The following PLG variants were observed in gnomAD, a reference collection of about 807,000 sequenced individuals.
The protein encoded by PLG is plasminogen, also known as plasmin.
In PLG, 41 loss-of-function variants were observed where a neutral mutation model predicts 104.4. The ratio of observed to expected loss-of-function variants is 0.39; its 90% CI spans 0.31 to 0.51. PLG has a LOEUF of 0.51. PLG is among the 20% of genes least tolerant of loss of function. The pLI, the probability that PLG is intolerant of heterozygous loss-of-function variation, is 0.76. For synonymous variants in PLG, 337 were observed against 357.1 expected (o/e 0.94, Z 0.63); for missense variants, 891 against 1,003.6 (o/e 0.89, Z 1.52).
At chr6:160,720,346 G>T (rs1420053444) in intron 9 of PLG, among the ~76,000 whole-genome samples, 2 of 147,670 alleles carry the variant, frequency 1.4e-5, no homozygotes, top group African/African-American at 5.0e-5. Context: ...TCTGCTTGAG[G>T]TATTCTGAGT....
chr6:160,714,827 A>G lies in PLG; in HGVS notation c.581A>G (p.Asp194Gly), dbSNP rs150072546. The change falls in exon 6 of 19, where the codon GAC (aspartate) becomes GGC (glycine). Residue 194 changes from aspartate (D) to glycine (G), a missense_variant. Around this residue, in one of 2 missense-constraint regions of PLG, gnomAD observed 854 missense variants for 932.1 expected, o/e 0.92. Coordinates refer to ENST00000308192, the MANE Select transcript of PLG (RefSeq NM_000301.5). ...ECMHCSGENYDGKISKTMSGL... is the reference protein window; with the variant it reads ...ECMHCSGENYGGKISKTMSGL... ...ATGCATTGCAGTGGAGAAAACTATG[A>G]CGGCAAAATTTCCAAGACCATGTCT... The G allele has an allele frequency of 6.2e-6, 10 of 1,613,796 alleles. No homozygotes were observed. The highest frequency in any genetic ancestry group is 1.7e-5 in the Admixed American group (1 of 60,014).
intron 17 of PLG, among the ~76,000 whole-genome samples, chr6:160,745,461 A>G (rs763579702): frequency 1.3e-5 from 2 of 152,090 alleles, no homozygotes; most frequent in Non-Finnish European, 2.9e-5. Flanking sequence ...TGAAATTAGG[A>G]TGGCAACCCT....
intron 17 of PLG, among the ~76,000 whole-genome samples, chr6:160,751,852 G>A (rs561713296): frequency 4.0e-4 from 61 of 152,280 alleles, no homozygotes; most frequent in African/African-American, 1.5e-3. Context: ...ATTCTTTATA[G>A]TTTTAAAAGC....
chr6:160,729,958 A>G (rs367637582), intron 10 of PLG, among the ~76,000 whole-genome samples: 4 of 152,366 alleles, frequency 2.6e-5, no homozygotes, highest in African/African-American at 9.6e-5. Context: ...TGCTTAGACT[A>G]TGAACTTCCT....
Position 160,732,721 on chromosome 6 carries a change from G to C in PLG, c.1587+828G>C, listed in dbSNP as rs1226202062. On this transcript the variant is annotated intron_variant, in intron 12 of 18. Transcript: ENST00000308192. This position sits in a 1 kb window ranked among gnomAD's most constrained non-coding sequence, Gnocchi z 4.5. ...TTTTATTTACCCATTTGTTATAAAA[G>C]ATATTACAAAGGATCCTGGTGAACA... Among the ~76,000 whole-genome samples the C allele has an allele frequency of 6.6e-6, 1 of 152,170 alleles. No homozygotes were observed. Among genetic ancestry groups the C allele is most frequent in the Admixed American group, 6.5e-5 (1 of 15,276 alleles).
In PLG at chr6:160,739,248, G is replaced by C. The variant is rs760903224; in HGVS notation, c.2018+40G>C. 3 of 1,613,826 alleles carry C rather than the reference G, an allele frequency of 1.9e-6. No individual in the cohort carries two copies. The South Asian group carries it at 3.3e-5, about 18-fold the overall frequency. On this transcript the variant is annotated intron_variant, in intron 16 of 18. Transcript: ENST00000308192. This position sits in a 1 kb window ranked among gnomAD's most constrained non-coding sequence, Gnocchi z 4.4. ...GTGGTCTTCACCCCACGCTGGTGAA[G>C]ATATTTGCTTTATGTCTGGGTTTTA...
At chr6:160,750,292 A>T (rs993910548) in intron 17 of PLG, among the ~76,000 whole-genome samples, 1 of 152,104 alleles carries the variant, frequency 6.6e-6, no homozygotes, top group African/African-American at 2.4e-5. Flanking sequence ...CCAACGCCCC[A>T]TCGGGGAGGG....
Position 160,739,386 on chromosome 6 carries a change from G to A in PLG, c.2018+178G>A, listed in dbSNP as rs562017696. Among the ~76,000 whole-genome samples, 1 of 152,206 alleles carries A rather than the reference G, an allele frequency of 6.6e-6. No homozygotes were observed. The highest frequency in any genetic ancestry group is 2.1e-4 in the South Asian group (1 of 4,808). On this transcript the variant is annotated intron_variant, in intron 16 of 18. Transcript: ENST00000308192. This position sits in a 1 kb window ranked among gnomAD's most constrained non-coding sequence, Gnocchi z 4.4. ...CCTAGCCCTGCCACATGCTAGCTGT[G>A]CTCTTGAGAAAGGCAGCAGGACTCC... is the stretch of plus-strand genomic sequence containing the variant.
chr6:160,703,143 G>C (rs1457077435), intron 1 of PLG, among the ~76,000 whole-genome samples: 3 of 152,054 alleles, frequency 2.0e-5, no homozygotes, highest in African/African-American at 7.2e-5. Flanking sequence ...TCTCAGATCT[G>C]GGAAATAAAG....
In PLG at chr6:160,711,979, G is replaced by A. The variant is rs3798904; in HGVS notation, c.407+788G>A. 36 of 1,173,274 alleles carry A rather than the reference G, an allele frequency of 3.1e-5. 1 individual carries two copies. Among genetic ancestry groups the A allele is most frequent in the Middle Eastern group, 3.6e-4 (1 of 2,774 alleles). The allele number at this position is 1,173,274 out of a possible 1,614,324, so 72.7% of individuals were successfully genotyped here. A position where few individuals can be genotyped will look rare whatever the true frequency, so the allele number is the denominator to read the frequency against. On this transcript the variant is annotated intron_variant, in intron 4 of 18. Transcript: ENST00000308192. ...GTGGCATTAAGTTCTCAGTAATGACGCTTATCAAATAGGAACTTAGTGCTT... is the reference window on the plus strand; with the variant it reads ...GTGGCATTAAGTTCTCAGTAATGACACTTATCAAATAGGAACTTAGTGCTT...
rs1451280578 is a variant in PLG, at chr6:160,740,059, TGC to T, written c.2018+852_2018+853del. 1.3e-5 allele frequency among the ~76,000 whole-genome samples: 2 copies of T among 152,178 alleles called. No individual in the cohort carries two copies. Among genetic ancestry groups the T allele is most frequent in the African/African-American group, 4.8e-5 (2 of 41,452 alleles). On this transcript the variant is annotated intron_variant, in intron 16 of 18. Transcript: ENST00000308192. The surrounding 1 kb of genome is among the most constrained non-coding windows in gnomAD (Gnocchi z 5.2). ...GACAAGGCACGCAGGGCGCTCGCTG[TGC>T]TGGTGGTTCTGGAAGACAGGGTGTC...
Position 160,739,300 on chromosome 6 carries a change from G to T in PLG, c.2018+92G>T, listed in dbSNP as rs1259778664. ...GGGCCATGGCCACTGCATGGCAGTG[G>T]GGAGGAACTGTCTATCACATGAAAG... On this transcript the variant is annotated intron_variant, in intron 16 of 18. Transcript: ENST00000308192. The surrounding 1 kb of genome is among the most constrained non-coding windows in gnomAD (Gnocchi z 4.4). The T allele has an allele frequency of 4.1e-5, 63 of 1,521,102 alleles. No individual in the cohort carries two copies. The highest frequency in any genetic ancestry group is 2.5e-4 in the Admixed American group (15 of 59,426). 94.2% of individuals were successfully genotyped at this position (1,521,102 alleles called of 1,614,324 possible). A position where few individuals can be genotyped will look rare whatever the true frequency, so the allele number is the denominator to read the frequency against.
chr6:160,732,363 G>T lies in PLG; in HGVS notation c.1587+470G>T, dbSNP rs980155806. Among the ~76,000 whole-genome samples, 1 of 152,146 alleles carries T rather than the reference G, an allele frequency of 6.6e-6. No homozygotes were observed. Among genetic ancestry groups the T allele is most frequent in the African/African-American group, 2.4e-5 (1 of 41,422 alleles). ...TATGAATAGGGAAGACTGAGATATA[G>T]GAAAAACCAAAGTGTCTGTGTTCCC... On this transcript the variant is annotated intron_variant, in intron 12 of 18. Coordinates refer to ENST00000308192, the MANE Select transcript of PLG (RefSeq NM_000301.5). The surrounding 1 kb of genome is among the most constrained non-coding windows in gnomAD (Gnocchi z 4.5).
At chr6:160,711,634 A>G in intron 4 of PLG, 14 of 1,610,556 alleles carry the variant, frequency 8.7e-6, no homozygotes, top group Non-Finnish European at 1.1e-5. Context: ...GCACCATAGT[A>G]GAACATGGTT....
chr6:160,744,883 C>A lies in PLG; in HGVS notation c.2125+3466C>A, dbSNP rs1488757861. Among the ~76,000 whole-genome samples, 1 of 152,164 alleles carries A rather than the reference C, an allele frequency of 6.6e-6. No individual in the cohort carries two copies. The highest frequency in any genetic ancestry group is 1.5e-5 in the Non-Finnish European group (1 of 68,008). On this transcript the variant is annotated intron_variant, in intron 17 of 18. Coordinates refer to ENST00000308192, the MANE Select transcript of PLG (RefSeq NM_000301.5). The surrounding 1 kb of genome is among the most constrained non-coding windows in gnomAD (Gnocchi z 4.5). ...TTATTCTCATTAGTTCAAAGAACTT[C>A]CTGATTTCTGCCATAATTTCATTAT...
At chr6:160,702,241 C>A (rs1250951561), upstream of PLG, 1 of 1,593,126 alleles carries the variant, frequency 6.3e-7, no homozygotes, top group Non-Finnish European at 8.6e-7. Context: ...CGTTTACTCT[C>A]ATGTAAGTCA....
Position 160,725,852 on chromosome 6 carries a change from GA to G in PLG, c.1256+3290del, listed in dbSNP as rs142463546. On this transcript the variant is annotated intron_variant, in intron 10 of 18. Coordinates refer to ENST00000308192, the MANE Select transcript of PLG (RefSeq NM_000301.5). The surrounding 1 kb of genome is among the most constrained non-coding windows in gnomAD (Gnocchi z 6.3). ...AATCTACAAGAAATAATACCACGATGAAAAAGTTATTTCTTAAGTAAAAAAA... is the reference window on the plus strand; with the variant it reads ...AATCTACAAGAAATAATACCACGATGAAAAGTTATTTCTTAAGTAAAAAAA... 0.032 allele frequency among the ~76,000 whole-genome samples: 4,933 copies of G among 152,156 alleles called. 260 individuals carry two copies. Among genetic ancestry groups the G allele is most frequent in the African/African-American group, 0.11 (4,504 of 41,514 alleles).
rs1157597692 is a variant in PLG, at chr6:160,718,299, C to T, written c.793C>T (p.Pro265Ser). The change falls in exon 8 of 19, where the codon CCT becomes TCT. Residue 265 changes from proline to serine, a missense_variant. By Grantham distance (74) the Pro-to-Ser change is moderately conservative. Coordinates refer to ENST00000308192, the MANE Select transcript of PLG (RefSeq NM_000301.5). ...ACTTATTTTGCCCATTCAAGCAACA[C>T]CTCCACCATCTTCTGGTCCCACCTA... ...ELCDIPRCTT[P>S]PPSSGPTYQC... 17 of 1,613,220 alleles carry T rather than the reference C, an allele frequency of 1.1e-5. No individual in the cohort carries two copies. The highest frequency in any genetic ancestry group is 2.2e-5 in the East Asian group (1 of 44,888).
At chr6:160,718,041 G>A (rs1315374254) in intron 7 of PLG, among the ~76,000 whole-genome samples, 1 of 152,152 alleles carries the variant, frequency 6.6e-6, no homozygotes, top group Non-Finnish European at 1.5e-5. Context: ...CACGAGGTCA[G>A]GAGTTCAAGA....
Sources: gnomAD v4.1 joint callset for allele counts (sites outside exome capture counted in the v4.1 genomes callset) on GRCh38, gnomAD v4.1.1 for gene constraint, gnomAD v4.1.1 regional missense constraint, Gnocchi (gnomAD v3.1) non-coding constraint, MANE v1.5 for transcripts, NCBI Gene and HGNC (gene_info 2026-07-23, HGNC 2026-07-21) for gene names.